The following SPECC1L variants were observed in gnomAD, a reference collection of about 807,000 sequenced individuals.
The protein encoded by SPECC1L is cytospin-A.
SPECC1L carries 40 observed loss-of-function variants against 116.8 expected under a neutral mutation model. That is an observed-to-expected ratio of 0.34 (90% CI 0.27 to 0.45). The LOEUF (loss-of-function observed/expected upper bound fraction) is 0.45. SPECC1L is among the 20% of genes least tolerant of loss of function. The pLI, the probability that SPECC1L is intolerant of heterozygous loss-of-function variation, is 1.00. For synonymous variants in SPECC1L, 504 were observed against 500.6 expected (o/e 1.01, Z -0.09); for missense variants, 1,110 against 1,373.6 (o/e 0.81, Z 3.03).
At chr22:24,354,254 A>G (rs534169214) in intron 11 of SPECC1L, among the ~76,000 whole-genome samples, 34 of 152,290 alleles carry the variant, frequency 2.2e-4, no homozygotes, top group Admixed American at 1.7e-3. Flanking sequence ...CACCTAGACT[A>G]TATCAGTTTT....
intron 6 of SPECC1L, among the ~76,000 whole-genome samples, chr22:24,328,363 GAATT>G (rs1262057979): frequency 6.6e-6 from 1 of 151,990 alleles, no homozygotes; most frequent in African/African-American, 2.4e-5. Flanking sequence ...GATTTTTATA[GAATT>G]AATTGAAACA....
At chr22:24,367,333 C>G (rs1285767093) in intron 13 of SPECC1L, among the ~76,000 whole-genome samples, 1 of 152,196 alleles carries the variant, frequency 6.6e-6, no homozygotes, top group Non-Finnish European at 1.5e-5. Context: ...TTCTTGGAAT[C>G]CTTTAAAGCA....
chr22:24,341,093 C>G (rs755008321), intron 10 of SPECC1L, among the ~76,000 whole-genome samples: 1 of 152,024 alleles, frequency 6.6e-6, no homozygotes, highest in Non-Finnish European at 1.5e-5. Context: ...CTACATGGAG[C>G]AGGGAAGAGA....
At chr22:24,331,200 G>T (rs2040931132) in intron 8 of SPECC1L, among the ~76,000 whole-genome samples, 2 of 152,154 alleles carry the variant, frequency 1.3e-5, no homozygotes, top group South Asian at 4.1e-4. Context: ...TGTGTTTGAG[G>T]TTATTACTAA....
intron 2 of SPECC1L, among the ~76,000 whole-genome samples, chr22:24,284,724 A>G (rs560650053): frequency 6.6e-6 from 1 of 152,254 alleles, no homozygotes; most frequent in South Asian, 2.1e-4. Context: ...CGTGAACCAC[A>G]ACACCCAGCT....
At chr22:24,366,605 A>AGAGG (rs2041771802) in intron 13 of SPECC1L, among the ~76,000 whole-genome samples, 1 of 152,192 alleles carries the variant, frequency 6.6e-6, no homozygotes, top group Non-Finnish European at 1.5e-5. Flanking sequence ...AGAGGTGAAG[A>AGAGG]GAGGGTTGGA....
At chr22:24,334,060 C>T (rs1386115778) in intron 8 of SPECC1L, among the ~76,000 whole-genome samples, 4 of 150,008 alleles carry the variant, frequency 2.7e-5, no homozygotes, top group Admixed American at 6.6e-5. Flanking sequence ...TTGCCCAGGC[C>T]GGACTGCAGT....
Position 24,414,651 on chromosome 22 carries a change from C to T in SPECC1L, c.*28C>T, listed in dbSNP as rs201328335. ...ATGCCGGGAGGAGCCGCCCCAATAG[C>T]GGGGGTACCCCTCCACAGCGACCGA... On this transcript the variant is annotated 3_prime_UTR_variant, in exon 17 of 17. Coordinates refer to ENST00000314328, the MANE Select transcript of SPECC1L (RefSeq NM_015330.6). The T allele has an allele frequency of 4.6e-5, 74 of 1,600,894 alleles. No homozygotes were observed. The highest frequency in any genetic ancestry group is 1.7e-4 in the Middle Eastern group (1 of 5,914).
chr22:24,346,999 A>G (rs2041309770), intron 10 of SPECC1L, 87 bp from the exon 11 acceptor site: 3 of 1,042,100 alleles, frequency 2.9e-6, no homozygotes, highest in Admixed American at 3.5e-5. Flanking sequence ...ATACGGATTT[A>G]TAACTAAATA....
At chr22:24,405,818 AAC>A (rs769034841) in intron 14 of SPECC1L, among the ~76,000 whole-genome samples, 3 of 149,480 alleles carry the variant, frequency 2.0e-5, no homozygotes, top group Non-Finnish European at 1.5e-5. Flanking sequence ...CAGCCTGGGC[AAC>A]AGAGCGAGAC....
intron 14 of SPECC1L, among the ~76,000 whole-genome samples, chr22:24,386,213 G>A (rs2042158298): frequency 6.6e-6 from 1 of 152,040 alleles, no homozygotes; most frequent in South Asian, 2.1e-4. Context: ...AATATTTATA[G>A]TGGACATTAA....
intron 2 of SPECC1L, among the ~76,000 whole-genome samples, chr22:24,283,946 AC>A (rs1295727674): frequency 6.6e-6 from 1 of 152,028 alleles, no homozygotes; most frequent in Non-Finnish European, 1.5e-5. Flanking sequence ...TAGTGTTGTT[AC>A]CCTTTCCATT....
intron 1 of SPECC1L, among the ~76,000 whole-genome samples, chr22:24,272,812 A>C (rs2048756399): frequency 6.6e-6 from 1 of 152,264 alleles, no homozygotes; most frequent in East Asian, 1.9e-4. Flanking sequence ...TTTTCCTCCA[A>C]AAAAACACCT....
intron 10 of SPECC1L, among the ~76,000 whole-genome samples, chr22:24,342,123 T>C (rs1429754132): frequency 1.3e-5 from 2 of 152,224 alleles, no homozygotes; most frequent in African/African-American, 4.8e-5. Context: ...TGTACTTATT[T>C]GCCAAAGTAA....
intron 8 of SPECC1L, among the ~76,000 whole-genome samples, chr22:24,332,009 C>T (rs532193333): frequency 1.3e-5 from 2 of 152,258 alleles, no homozygotes; most frequent in South Asian, 2.1e-4. Context: ...AGTGAGGTCA[C>T]GTTGAGGAAA....
intron 6 of SPECC1L, 29 bp from the exon 7 acceptor site, chr22:24,328,817 A>G (rs773775812): frequency 1.3e-6 from 2 of 1,532,028 alleles, no homozygotes; most frequent in Admixed American, 3.3e-5. Flanking sequence ...TTGTGAGAAT[A>G]GATATTTAAA....
chr22:24,326,385 C>T (rs1417691521), intron 6 of SPECC1L, among the ~76,000 whole-genome samples: 1 of 152,182 alleles, frequency 6.6e-6, no homozygotes, highest in African/African-American at 2.4e-5. Context: ...TGTGTGAGGT[C>T]GCAAGGAACC....
Position 24,313,310 on chromosome 22 carries a change from T to C in SPECC1L, c.154-3T>C. ...ATTTGTTTTTATTTTCTGTTGCTTCTAGACCAAGAGCAGTGATGACCTTTT... is the reference window on the plus strand; with the variant it reads ...ATTTGTTTTTATTTTCTGTTGCTTCCAGACCAAGAGCAGTGATGACCTTTT... On this transcript the variant is annotated splice_polypyrimidine_tract_variant and splice_region_variant and intron_variant, in intron 3 of 16. Coordinates refer to ENST00000314328, the MANE Select transcript of SPECC1L (RefSeq NM_015330.6). 2 of 1,614,134 alleles carry C rather than the reference T, an allele frequency of 1.2e-6. No homozygotes were observed. The highest frequency in any genetic ancestry group is 1.7e-6 in the Non-Finnish European group (2 of 1,180,008).
intron 2 of SPECC1L, among the ~76,000 whole-genome samples, chr22:24,284,733 C>G (rs2049009746): frequency 6.6e-6 from 1 of 152,138 alleles, no homozygotes; most frequent in Non-Finnish European, 1.5e-5. Context: ...CAACACCCAG[C>G]TGAGAATCTT....
Sources: gnomAD v4.1 joint callset for allele counts (sites outside exome capture counted in the v4.1 genomes callset) on GRCh38, gnomAD v4.1.1 for gene constraint, MANE v1.5 for transcripts, NCBI Gene and HGNC (gene_info 2026-07-23, HGNC 2026-07-21) for gene names.